Variants in RIT2 observed in about 807,000 individuals in gnomAD.
RIT2 encodes GTP-binding protein Rit2.
RIT2 carries 24 observed loss-of-function variants against 23.7 expected under a neutral mutation model. That is an observed-to-expected ratio of 1.01 (90% CI 0.73 to 1.43). The LOEUF (loss-of-function observed/expected upper bound fraction) is 1.43. Among genes scored for constraint, RIT2 ranks in the 40% most tolerant of loss-of-function variants. The pLI, the probability that RIT2 is intolerant of heterozygous loss-of-function variation, is 0.00. For missense variants in RIT2, 236 were observed against 266.9 expected, an observed-to-expected ratio of 0.88 and a Z score of 0.81; for synonymous variants, 107 against 91.1, an observed-to-expected ratio of 1.17 and a Z score of -0.99.
At chr18:42,805,695 A>C (rs1407523393) in intron 4 of RIT2, among the ~76,000 whole-genome samples, 1 of 152,164 alleles carries the variant, frequency 6.6e-6, no homozygotes, top group Non-Finnish European at 1.5e-5. Flanking sequence ...AAAGAATCAC[A>C]CTTATTGATG....
chr18:43,035,852 T>C (rs1215233067), intron 1 of RIT2, among the ~76,000 whole-genome samples: 1 of 152,218 alleles, frequency 6.6e-6, no homozygotes, highest in African/African-American at 2.4e-5. Flanking sequence ...TAGTTCTTTA[T>C]CCTTTGCCAT....
intron 4 of RIT2, among the ~76,000 whole-genome samples, chr18:42,749,343 A>G (rs1392342148): frequency 6.6e-6 from 1 of 151,930 alleles, no homozygotes; most frequent in Non-Finnish European, 1.5e-5. Flanking sequence ...TGATGCTTAT[A>G]GCATTACAAG....
intron 4 of RIT2, among the ~76,000 whole-genome samples, chr18:42,885,848 A>G (rs1292128897): frequency 1.3e-5 from 2 of 152,226 alleles, no homozygotes; most frequent in Non-Finnish European, 2.9e-5. Flanking sequence ...CAATAAATTT[A>G]TGATATTAAT....
intron 1 of RIT2, among the ~76,000 whole-genome samples, chr18:43,061,159 A>G (rs1912635469): frequency 3.9e-5 from 6 of 152,136 alleles, no homozygotes. Flanking sequence ...GCCAGATTCT[A>G]AAACCAGTCC....
At chr18:42,797,982 C>T (rs1183946500) in intron 4 of RIT2, among the ~76,000 whole-genome samples, 1 of 151,904 alleles carries the variant, frequency 6.6e-6, no homozygotes, top group Non-Finnish European at 1.5e-5. Flanking sequence ...GTGTCATCCT[C>T]TATATTTCCT....
chr18:42,975,552 G>A (rs1213844684), intron 2 of RIT2, among the ~76,000 whole-genome samples: 1 of 152,034 alleles, frequency 6.6e-6, no homozygotes, highest in Non-Finnish European at 1.5e-5. Flanking sequence ...AAGACAGAGA[G>A]GACCCTGAGC....
At position 42,793,180 on chromosome 18, in the gene RIT2, A is replaced by G. The variant is rs139478660; in HGVS notation, c.427-49460T>C. ...GTAGTAATACAAGTGGCTCTGTTAA[A>G]TGTGCATAATATGGGAGGAAGCAGC... On this transcript the variant is annotated intron_variant, in intron 4 of 4. Coordinates refer to ENST00000326695, the MANE Select transcript of RIT2 (RefSeq NM_002930.4). Among the ~76,000 whole-genome samples, 469 of 152,344 alleles carry G rather than the reference A, an allele frequency of 3.1e-3. 3 individuals carry two copies. The highest frequency in any genetic ancestry group is 4.6e-3 in the Admixed American group (70 of 15,306).
intron 4 of RIT2, among the ~76,000 whole-genome samples, chr18:42,922,859 TAA>T (rs1056436703): frequency 7.2e-5 from 11 of 152,160 alleles, no homozygotes; most frequent in African/African-American, 2.4e-4. Flanking sequence ...GGATGGTATA[TAA>T]GAGTAATTTC....
At chr18:42,983,113 T>C (rs756383743) in intron 2 of RIT2, among the ~76,000 whole-genome samples, 1 of 152,096 alleles carries the variant, frequency 6.6e-6, no homozygotes, top group Non-Finnish European at 1.5e-5. Flanking sequence ...ACAGTTATCA[T>C]ACAGCTACAA....
intron 1 of RIT2, among the ~76,000 whole-genome samples, chr18:43,034,585 A>AAAAAG (rs1911933215): frequency 6.6e-6 from 1 of 152,188 alleles, no homozygotes; most frequent in Non-Finnish European, 1.5e-5. Flanking sequence ...ATAGTGTATA[A>AAAAAG]TAGCTCTTCT....
At chr18:42,826,361 T>A (rs1015819784) in intron 4 of RIT2, among the ~76,000 whole-genome samples, 1 of 152,106 alleles carries the variant, frequency 6.6e-6, no homozygotes, top group Non-Finnish European at 1.5e-5. Flanking sequence ...CTCAACATGA[T>A]AATGTTTAAT....
chr18:42,846,049 A>C (rs1372404086), intron 4 of RIT2, among the ~76,000 whole-genome samples: 1 of 152,018 alleles, frequency 6.6e-6, no homozygotes, highest in Non-Finnish European at 1.5e-5. Flanking sequence ...TAACATACAT[A>C]AGAGCAGGAA....
intron 4 of RIT2, among the ~76,000 whole-genome samples, chr18:42,849,521 C>T (rs1014146411): frequency 6.6e-6 from 1 of 152,022 alleles, no homozygotes; most frequent in Non-Finnish European, 1.5e-5. Flanking sequence ...TGACATGACG[C>T]AAATAAAGTG....
chr18:42,990,205 CA>C (rs1216405945), intron 2 of RIT2, among the ~76,000 whole-genome samples: 2 of 151,974 alleles, frequency 1.3e-5, no homozygotes, highest in Non-Finnish European at 2.9e-5. Flanking sequence ...CCAGTTCAAA[CA>C]AAGGAGAGGA....
At chr18:42,954,391 A>AG (rs1216138459) in intron 3 of RIT2, among the ~76,000 whole-genome samples, 2 of 151,852 alleles carry the variant, frequency 1.3e-5, no homozygotes, top group Non-Finnish European at 2.9e-5. Flanking sequence ...AAAAAAAAAA[A>AG]AAACCTGTAA....
intron 4 of RIT2, among the ~76,000 whole-genome samples, chr18:42,823,399 T>C (rs1159051659): frequency 2.0e-5 from 3 of 152,172 alleles, no homozygotes; most frequent in Non-Finnish European, 4.4e-5. Context: ...ACTTGTTATT[T>C]CCATGCATCT....
chr18:42,750,404 C>T (rs1159446564), intron 4 of RIT2, among the ~76,000 whole-genome samples: 6 of 151,716 alleles, frequency 4.0e-5, no homozygotes, highest in Non-Finnish European at 8.9e-5. Context: ...ATTCATGAAG[C>T]TCTATACTTA....
At chr18:42,873,814 A>C (rs1907679702) in intron 4 of RIT2, among the ~76,000 whole-genome samples, 1 of 152,168 alleles carries the variant, frequency 6.6e-6, no homozygotes, top group Non-Finnish European at 1.5e-5. Context: ...TTCTAAACTT[A>C]CATAAGAAAA....
chr18:42,888,184 T>TA (rs1908072561), intron 4 of RIT2, among the ~76,000 whole-genome samples: 1 of 151,918 alleles, frequency 6.6e-6, no homozygotes, highest in South Asian at 2.1e-4. Context: ...AATGTAGGTT[T>TA]ATAGTTTGTA....
Sources: gnomAD v4.1 joint callset for allele counts (sites outside exome capture counted in the v4.1 genomes callset) on GRCh38, gnomAD v4.1.1 for gene constraint, MANE v1.5 for transcripts, NCBI Gene and HGNC (gene_info 2026-07-23, HGNC 2026-07-21) for gene names.